Variants in PIGQ observed in about 807,000 individuals in gnomAD.
PIGQ encodes phosphatidylinositol glycan anchor biosynthesis class Q, also known as phosphatidylinositol N-acetylglucosaminyltransferase subunit Q.
PIGQ carries 54 observed loss-of-function variants against 60.3 expected under a neutral mutation model. The observed-to-expected ratio is 0.90, with a 90% CI of 0.72 to 1.12. PIGQ has a LOEUF of 1.12. Among genes scored for constraint, PIGQ ranks in the 50% most tolerant of loss-of-function variants. The pLI, the probability that PIGQ is intolerant of heterozygous loss-of-function variation, is 0.00. For missense variants in PIGQ, 799 were observed against 793.5 expected (o/e 1.01, Z -0.08); for synonymous variants, 416 against 363.7 (o/e 1.14, Z -1.64).
intron 2 of PIGQ, among the ~76,000 whole-genome samples, chr16:575,519 G>A (rs937922587): frequency 2.1e-4 from 32 of 152,194 alleles, no homozygotes; most frequent in East Asian, 3.9e-4. Flanking sequence ...CCCTGTCGGC[G>A]GGGCGAGGCC....
At position 580,193 on chromosome 16, in the gene PIGQ, G is replaced by A; in HGVS notation, c.1346G>A (p.Gly449Glu). The A allele has an allele frequency of 1.9e-6, 3 of 1,612,030 alleles. No individual in the cohort carries two copies. In the South Asian group the frequency reaches 3.3e-5, roughly 18 times the overall value. Residue 449 changes from glycine (G) to glutamate (E), a missense_variant, in exon 8 of 11, where the codon GGG becomes GAG. Physicochemically the swap from Gly to Glu is moderately conservative, Grantham distance 98. Transcript: ENST00000321878. ...CSYDLDQLFI[G>E]TLLFTILLFL... ...GGCCCCTCCCTACAGCTGTTCATCG[G>A]GACTCTGCTCTTCACCATCCTGCTC... is the stretch of plus-strand genomic sequence containing the variant.
In PIGQ at chr16:580,129, C is replaced by T. The variant is rs1018172175; in HGVS notation, c.1336-54C>T. On this transcript the variant is annotated intron_variant, in intron 7 of 10. Coordinates refer to ENST00000321878, the MANE Select transcript of PIGQ (RefSeq NM_004204.5). ...GATGGGGGAGGGCACAGTGCTGGGC[C>T]GTCCCTGGGCGCGGGGTCCTGCTGA... 5.8e-5 allele frequency: 84 copies of T among 1,438,898 alleles called. No homozygotes were observed. The South Asian group carries it at 8.3e-4, about 14-fold the overall frequency. 89.1% of individuals were successfully genotyped at this position (1,438,898 alleles called of 1,614,324 possible).
Position 573,999 on chromosome 16 carries a change from A to G in PIGQ, c.-9-67A>G, listed in dbSNP as rs1220026124. On this transcript the variant is annotated intron_variant, in intron 1 of 10. Coordinates refer to ENST00000321878, the MANE Select transcript of PIGQ (RefSeq NM_004204.5). Reference sequence around the variant, plus strand: ...CTGCACCTGTCAGGCCGTCTGTGCAACATCCCGCAGCCCACGGTGGGGGGG... The same window carrying G: ...CTGCACCTGTCAGGCCGTCTGTGCAGCATCCCGCAGCCCACGGTGGGGGGG... 4 of 1,184,914 alleles carry G rather than the reference A, an allele frequency of 3.4e-6. No individual in the cohort carries two copies. In the African/African-American group the frequency reaches 6.1e-5, roughly 18 times the overall value. The allele number at this position is 1,184,914 out of a possible 1,614,324, so 73.4% of individuals were successfully genotyped here.
chr16:580,301 G>A (rs377151936), intron 8 of PIGQ, 38 bp downstream of exon 8: 1 of 1,477,464 alleles, frequency 6.8e-7, no homozygotes, highest in Non-Finnish European at 9.4e-7. Context: ...TGGCTGCAGT[G>A]CTCTGTGTGG....
chr16:575,724 CCT>C (rs964771231), intron 2 of PIGQ, 113 bp from the exon 3 acceptor site: 7 of 1,164,174 alleles, frequency 6.0e-6, no homozygotes, highest in African/African-American at 1.5e-5. Flanking sequence ...CCACCTGCCC[CCT>C]GTCCTGCTGA....
intron 1 of PIGQ, among the ~76,000 whole-genome samples, chr16:572,044 C>T (rs1340883121): frequency 1.3e-5 from 2 of 152,122 alleles, no homozygotes; most frequent in Non-Finnish European, 2.9e-5. Context: ...TACTGTTAGA[C>T]CCATTGTGTT....
rs931815623 is a variant in PIGQ at position 578,519 on chromosome 16, A to C, written c.1069+14A>C. On this transcript the variant is annotated intron_variant, in intron 5 of 10. Transcript: ENST00000321878. ...ACCTGTGGATCAGTGAGTGCAGGGC[A>C]GGCGGGGGCCCCAGGGACCCCAGAG... 6.2e-7 allele frequency: 1 copy of C among 1,607,826 alleles called. No homozygotes were observed. Among genetic ancestry groups the C allele is most frequent in the Non-Finnish European group, 8.5e-7 (1 of 1,176,982 alleles).
chr16:578,558 G>A (rs897526445), intron 5 of PIGQ, 53 bp downstream of exon 5: 18 of 1,585,020 alleles, frequency 1.1e-5, no homozygotes, highest in Non-Finnish European at 1.4e-5. Flanking sequence ...GCTGAAGAGG[G>A]TAGGGACCCA....
At chr16:581,551 C>T (rs2035809498) in intron 9 of PIGQ, among the ~76,000 whole-genome samples, 1 of 151,936 alleles carries the variant, frequency 6.6e-6, no homozygotes, top group East Asian at 1.9e-4. Flanking sequence ...TAATCTCTGC[C>T]TCCTGGGTTC....
Position 572,245 on chromosome 16 carries a change from C to T in PIGQ, c.-9-1821C>T, listed in dbSNP as rs936540481. Among the ~76,000 whole-genome samples the T allele has an allele frequency of 3.3e-5, 5 of 152,318 alleles. No individual in the cohort carries two copies. The South Asian group carries it at 6.2e-4, about 19-fold the overall frequency. On this transcript the variant is annotated intron_variant, in intron 1 of 10. Transcript: ENST00000321878. ...AATCACTTTGTCCCTCTCACGATGTCCTTGGTGCCTCACGTCAGCTGGCCT... is the reference window on the plus strand; with the variant it reads ...AATCACTTTGTCCCTCTCACGATGTTCTTGGTGCCTCACGTCAGCTGGCCT...
intron 1 of PIGQ, among the ~76,000 whole-genome samples, chr16:573,686 G>T (rs1345608076): frequency 1.3e-5 from 2 of 152,202 alleles, no homozygotes; most frequent in African/African-American, 2.4e-5. Flanking sequence ...CTCTAATCAG[G>T]TTTCTTAAAA....
At chr16:576,074 C>T (rs2035712132) in intron 3 of PIGQ, 60 bp from the exon 4 acceptor site, 1 of 1,543,428 alleles carries the variant, frequency 6.5e-7, no homozygotes, top group Non-Finnish European at 8.7e-7. Flanking sequence ...CAGGCCTCCT[C>T]CTGCGGCCCC....
intron 1 of PIGQ, among the ~76,000 whole-genome samples, chr16:571,845 A>G (rs2035634741): frequency 6.6e-6 from 1 of 151,528 alleles, no homozygotes; most frequent in East Asian, 1.9e-4. Flanking sequence ...ACTACTCGAC[A>G]GAGAAGAGTA....
Position 574,634 on chromosome 16 carries a change from G to A in PIGQ, c.560G>A (p.Arg187Gln), listed in dbSNP as rs1375714125. The A allele has an allele frequency of 6.8e-6, 11 of 1,607,568 alleles. No individual in the cohort carries two copies. Among genetic ancestry groups the A allele is most frequent in the South Asian group, 4.4e-5 (4 of 90,134 alleles). The change falls in exon 2 of 11, where the codon CGG becomes CAG. Residue 187 changes from arginine (R) to glutamine (Q), a missense_variant. Coordinates refer to ENST00000321878, the MANE Select transcript of PIGQ (RefSeq NM_004204.5). ...RSDRFDEGPVRLSHWQSEGVE... is the reference protein window; with the variant it reads ...RSDRFDEGPVQLSHWQSEGVE... ...GACCGCTTTGATGAGGGCCCCGTGC[G>A]GCTGAGCCACTGGCAGTCGGAGGGC...
intron 1 of PIGQ, among the ~76,000 whole-genome samples, chr16:571,083 G>GGCTAGCC (rs1567173385): frequency 3.8e-5 from 1 of 26,480 alleles, no homozygotes; most frequent in African/African-American, 1.5e-4. Context: ...GTGTGTGTGT[G>GGCTAGCC]TGTGTGTGTG....
intron 1 of PIGQ, chr16:572,659 C>G (rs2035653446): frequency 2.2e-6 from 1 of 455,852 alleles, no homozygotes; most frequent in African/African-American, 2.0e-5. Context: ...GCATCCCACT[C>G]TGTTCCCTCG....
chr16:580,002 C>CG (rs1338815144), intron 7 of PIGQ, 181 bp from the exon 8 acceptor site: 29 of 508,646 alleles, frequency 5.7e-5, no homozygotes, highest in Non-Finnish European at 9.8e-5. Context: ...GTCCCCTAGT[C>CG]CGTGGGGTGT....
intron 8 of PIGQ, chr16:580,510 G>C (rs1458291768): frequency 7.3e-6 from 4 of 549,408 alleles, no homozygotes; most frequent in Non-Finnish European, 1.3e-5. Context: ...CCCACGGCAG[G>C]TGGGGTCACG....
chr16:581,167 G>A, intron 9 of PIGQ, 195 bp downstream of exon 9: 2 of 1,454,868 alleles, frequency 1.4e-6, no homozygotes, highest in Non-Finnish European at 1.8e-6. Context: ...CAGGGAGGTG[G>A]AGAGAGACTC....
Sources: gnomAD v4.1 joint callset for allele counts (sites outside exome capture counted in the v4.1 genomes callset) on GRCh38, gnomAD v4.1.1 for gene constraint, MANE v1.5 for transcripts, NCBI Gene and HGNC (gene_info 2026-07-23, HGNC 2026-07-21) for gene names.